KIF5A: variants seen among roughly 807,000 people sequenced by gnomAD.
KIF5A encodes kinesin family member 5A.
In KIF5A, 35 loss-of-function variants were observed where a neutral mutation model predicts 141.3. The ratio of observed to expected loss-of-function variants is 0.25; its 90% CI spans 0.19 to 0.33. The LOEUF (loss-of-function observed/expected upper bound fraction) is 0.33. Ranked by LOEUF, KIF5A falls within the 10% of genes least tolerant of loss-of-function variation. The probability of loss-of-function intolerance (pLI) is 1.00; values close to 1 mark genes in which losing one functional copy is unlikely to be tolerated. For synonymous variants in KIF5A, 448 were observed against 500.2 expected (o/e 0.90, Z 1.39); for missense variants, 861 against 1,314.3 (o/e 0.66, Z 5.33).
At chr12:57,574,039 G>A (rs1253391000) in intron 15 of KIF5A, among the ~76,000 whole-genome samples, 2 of 147,938 alleles carry the variant, frequency 1.4e-5, no homozygotes, top group African/African-American at 5.0e-5. Flanking sequence ...GCAGAGATGC[G>A]GCACTGCACT....
In KIF5A at chr12:57,585,476, T is replaced by C. The variant is rs1423781681; in HGVS notation, c.*1295T>C. The C allele has an allele frequency of 1.9e-5, 3 of 154,446 alleles. No homozygotes were observed. The highest frequency in any genetic ancestry group is 1.3e-4 in the Admixed American group (2 of 15,288). The allele number at this position is 154,446 out of a possible 1,614,324, so 9.6% of individuals were successfully genotyped here. A position where few individuals can be genotyped will look rare whatever the true frequency, so the allele number is the denominator to read the frequency against. Reference sequence around the variant, plus strand: ...CTCCATACTGAAGAGGACTGTTGTTTTAGTTTCAGACGGTCCTTTCCTTCC... The same window carrying C: ...CTCCATACTGAAGAGGACTGTTGTTCTAGTTTCAGACGGTCCTTTCCTTCC... On this transcript the variant is annotated 3_prime_UTR_variant, in exon 29 of 29. Coordinates refer to ENST00000455537, the MANE Select transcript of KIF5A (RefSeq NM_004984.4).
At position 57,583,207 on chromosome 12, in the gene KIF5A, C is replaced by A; in HGVS notation, c.*28C>A. 5 of 1,590,298 alleles carry A rather than the reference C, an allele frequency of 3.1e-6. No individual in the cohort carries two copies. The highest frequency in any genetic ancestry group is 4.3e-6 in the Non-Finnish European group (5 of 1,160,004). ...TCCCACACCCACGGCTGCATACCTG[C>A]ACTTTCAGGTAGCGTCAGGCTGCTT... is the stretch of plus-strand genomic sequence containing the variant. On this transcript the variant is annotated 3_prime_UTR_variant, in exon 28 of 29. Coordinates refer to ENST00000455537, the MANE Select transcript of KIF5A (RefSeq NM_004984.4).
chr12:57,553,255 T>C (rs1372199953), intron 1 of KIF5A, among the ~76,000 whole-genome samples: 2 of 151,358 alleles, frequency 1.3e-5, no homozygotes, highest in African/African-American at 4.9e-5. Context: ...AACACATACA[T>C]ACACACACAC....
At chr12:57,554,855 C>T (rs1197636957) in intron 1 of KIF5A, among the ~76,000 whole-genome samples, 1 of 152,188 alleles carries the variant, frequency 6.6e-6, no homozygotes, top group East Asian at 1.9e-4. Flanking sequence ...CGATAACTCA[C>T]TCATTACCAT....
chr12:57,575,385 G>C, intron 16 of KIF5A, 113 bp downstream of exon 16: 2 of 1,257,876 alleles, frequency 1.6e-6, no homozygotes, highest in Non-Finnish European at 2.3e-6. Context: ...GGGGTCAAGT[G>C]AAATCAAGGA....
rs1485738774 is a variant in KIF5A at position 57,585,837 on chromosome 12, T to G, written c.*1656T>G. ...TGGAATAAATCCAAAGCAGTGATTT[T>G]TAAATGTTTTTCAAAAACAAATCTT... On this transcript the variant is annotated 3_prime_UTR_variant, in exon 29 of 29. Transcript: ENST00000455537. 6.6e-6 allele frequency: 1 copy of G among 152,152 alleles called. No individual in the cohort carries two copies. Among genetic ancestry groups the G allele is most frequent in the Non-Finnish European group, 1.5e-5 (1 of 68,030 alleles). 9.4% of individuals were successfully genotyped at this position (152,152 alleles called of 1,614,324 possible).
intron 8 of KIF5A, 65 bp from the exon 9 acceptor site, chr12:57,568,898 G>A (rs777628153): frequency 1.3e-5 from 13 of 1,039,422 alleles, no homozygotes; most frequent in South Asian, 3.9e-5. Context: ...GCCCTGGAAC[G>A]AGGTGGTGAC....
rs1186912011 is a variant in KIF5A at position 57,572,828 on chromosome 12, A to G, written c.1716+102A>G. 2.8e-5 allele frequency: 39 copies of G among 1,406,504 alleles called. No homozygotes were observed. Among genetic ancestry groups the G allele is most frequent in the Non-Finnish European group, 3.8e-5 (38 of 992,212 alleles). The allele number at this position is 1,406,504 out of a possible 1,614,324, so 87.1% of individuals were successfully genotyped here. A position where few individuals can be genotyped will look rare whatever the true frequency, so the allele number is the denominator to read the frequency against. On this transcript the variant is annotated intron_variant, in intron 15 of 28. Coordinates refer to ENST00000455537, the MANE Select transcript of KIF5A (RefSeq NM_004984.4). The surrounding 1 kb of genome is among the most constrained non-coding windows in gnomAD (Gnocchi z 4.2). ...CAGATACTGAGAAAGGCAGCCAGAG[A>G]GCCAGGAAACATGCCTTTGAACTAG...
chr12:57,567,471 C>T, intron 7 of KIF5A, 23 bp from the exon 8 acceptor site: 1 of 1,612,242 alleles, frequency 6.2e-7, no homozygotes, highest in Non-Finnish European at 8.5e-7. Context: ...GGTGCAGGTC[C>T]TGTTTCTCCC....
chr12:57,568,260 C>G (rs536175102), intron 8 of KIF5A, among the ~76,000 whole-genome samples: 2 of 152,258 alleles, frequency 1.3e-5, no homozygotes, highest in Admixed American at 1.3e-4. Flanking sequence ...AAGTGCAATT[C>G]AGTTGTTTGT....
chr12:57,570,810 A>G (rs1170816428), intron 12 of KIF5A, among the ~76,000 whole-genome samples: 1 of 152,128 alleles, frequency 6.6e-6, no homozygotes, highest in African/African-American at 2.4e-5. Flanking sequence ...TTGCTTTGAG[A>G]GAAAGAGTCT....
intron 5 of KIF5A, 67 bp from the exon 6 acceptor site, chr12:57,564,851 G>A: frequency 2.1e-6 from 3 of 1,441,560 alleles, no homozygotes; most frequent in Non-Finnish European, 2.9e-6. Flanking sequence ...CATCTGAGCT[G>A]ACTGCAAGGT....
rs1594926730 is a variant in KIF5A, at chr12:57,581,967, T to C, written c.2992+15T>C. On this transcript the variant is annotated intron_variant, in intron 26 of 28. Coordinates refer to ENST00000455537, the MANE Select transcript of KIF5A (RefSeq NM_004984.4). ...CATGGACAATGGTGAGTGAAAAAGA[T>C]GGGTAATCCCACCTTTGGGGTCCTC... 1 of 1,609,698 alleles carries C rather than the reference T, an allele frequency of 6.2e-7. No homozygotes were observed. The highest frequency in any genetic ancestry group is 8.5e-7 in the Non-Finnish European group (1 of 1,176,088).
Position 57,550,255 on chromosome 12 carries a change from C to T in KIF5A, c.-17C>T, listed in dbSNP as rs909338931. ...CTGCAGCCCAAGAAGAGTCCCAGCC[C>T]CACGCCGGCTACCACCATGGCGGAG... On this transcript the variant is annotated 5_prime_UTR_variant, in exon 1 of 29. Transcript: ENST00000455537. The surrounding 1 kb of genome is among the most constrained non-coding windows in gnomAD (Gnocchi z 4.6). 1.2e-6 allele frequency: 2 copies of T among 1,613,794 alleles called. No homozygotes were observed. The highest frequency in any genetic ancestry group is 3.3e-5 in the Admixed American group (2 of 60,006).
At chr12:57,578,363 T>G (rs950541932) in intron 23 of KIF5A, 21 bp downstream of exon 23, 1 of 1,571,500 alleles carries the variant, frequency 6.4e-7, no homozygotes, top group Non-Finnish European at 8.8e-7. Context: ...GCTGAAGGAG[T>G]GAAGAGAATT....
At chr12:57,563,268 A>G (rs976265672) in intron 1 of KIF5A, among the ~76,000 whole-genome samples, 171 bp from the exon 2 acceptor site, 3 of 152,008 alleles carry the variant, frequency 2.0e-5, no homozygotes, top group Non-Finnish European at 4.4e-5. Context: ...GCCTCTTAAA[A>G]TGATGGGATT....
intron 11 of KIF5A, 28 bp from the exon 12 acceptor site, chr12:57,569,959 T>C: frequency 1.2e-6 from 2 of 1,609,628 alleles, no homozygotes; most frequent in Non-Finnish European, 1.7e-6. Context: ...TCTTCTTCCA[T>C]CTCTCACCTC....
chr12:57,557,735 G>T (rs192068195), intron 1 of KIF5A, among the ~76,000 whole-genome samples: 4 of 151,760 alleles, frequency 2.6e-5, no homozygotes, highest in Non-Finnish European at 4.4e-5. Flanking sequence ...ATGGAGTCAG[G>T]CTGGAGTGTG....
Position 57,585,901 on chromosome 12 carries a change from C to T in KIF5A, c.*1720C>T, listed in dbSNP as rs1335408527. The T allele has an allele frequency of 6.7e-6, 1 of 149,286 alleles. No homozygotes were observed. The highest frequency in any genetic ancestry group is 2.5e-5 in the African/African-American group (1 of 40,634). The allele number at this position is 149,286 out of a possible 1,614,324, so 9.2% of individuals were successfully genotyped here. On this transcript the variant is annotated 3_prime_UTR_variant, in exon 29 of 29. Coordinates refer to ENST00000455537, the MANE Select transcript of KIF5A (RefSeq NM_004984.4). ...ATATAAAAAATAAAGTAATGCAGAC[C>T]TGGGCAGTTTGCATTTTTTTTTTTT...
Sources: gnomAD v4.1 joint callset for allele counts (sites outside exome capture counted in the v4.1 genomes callset) on GRCh38, gnomAD v4.1.1 for gene constraint, Gnocchi (gnomAD v3.1) non-coding constraint, MANE v1.5 for transcripts, NCBI Gene and HGNC (gene_info 2026-07-23, HGNC 2026-07-21) for gene names.